PWWP3B: variants seen among roughly 807,000 people sequenced by gnomAD.
PWWP3B encodes the protein PWWP domain containing 3B.
Under a neutral mutation model 15.7 loss-of-function variants are expected in PWWP3B, and 5 were observed. That is an observed-to-expected ratio of 0.32 (90% CI 0.17 to 0.67). The LOEUF is 0.67. PWWP3B is among the 30% of genes least tolerant of loss of function. The pLI is 0.74. For synonymous variants in PWWP3B, 203 were observed against 179.8 expected, an observed-to-expected ratio of 1.13 and a Z score of -1.03; for missense variants, 519 against 493.1, an observed-to-expected ratio of 1.05 and a Z score of -0.50.
chrX:106,175,054 A>AG (rs1921811501), intron 2 of PWWP3B, among the ~76,000 whole-genome samples: 2 of 106,993 alleles, frequency 1.9e-5, no homozygotes, highest in African/African-American at 3.4e-5. Flanking sequence ...AAAAAAAAAA[A>AG]AAGAAGAAAA....
intron 2 of PWWP3B, among the ~76,000 whole-genome samples, chrX:106,183,008 A>G (rs934391525): frequency 2.7e-5 from 3 of 110,303 alleles, no homozygotes; most frequent in African/African-American, 9.9e-5. Context: ...AGATCCTGGG[A>G]CTCCTGAGCT....
intron 2 of PWWP3B, among the ~76,000 whole-genome samples, chrX:106,181,299 G>A (rs1339827372): frequency 9.0e-6 from 1 of 111,552 alleles, no homozygotes; most frequent in Non-Finnish European, 1.9e-5. Flanking sequence ...GCTGGCTGGG[G>A]TGGCCAGCTT....
At chrX:106,178,381 G>A (rs1325317553) in intron 2 of PWWP3B, among the ~76,000 whole-genome samples, 1 of 112,265 alleles carries the variant, frequency 8.9e-6, no homozygotes, top group Non-Finnish European at 1.9e-5. Flanking sequence ...AAAGGTGTCT[G>A]AGAAGTAAAA....
At chrX:106,189,025 T>C (rs1393042265) in intron 2 of PWWP3B, among the ~76,000 whole-genome samples, 1 of 111,783 alleles carries the variant, frequency 8.9e-6, no homozygotes, top group Admixed American at 9.5e-5. Flanking sequence ...AGGAATGGGA[T>C]TTCTTGGTTT....
At chrX:106,173,179 G>A (rs1002521356) in intron 2 of PWWP3B, among the ~76,000 whole-genome samples, 1 of 111,356 alleles carries the variant, frequency 9.0e-6, no homozygotes, top group African/African-American at 3.3e-5. Context: ...GGTTGCCTTG[G>A]ATAGACAGGG....
chrX:106,194,083 G>T (rs1302850625), intron 2 of PWWP3B, among the ~76,000 whole-genome samples: 1 of 110,973 alleles, frequency 9.0e-6, no homozygotes, highest in Admixed American at 9.6e-5. Context: ...TTTGAATGTT[G>T]GCCTGCCTTG....
intron 2 of PWWP3B, 102 bp from the exon 3 acceptor site, chrX:106,203,883 T>G (rs1923842037): frequency 1.8e-5 from 2 of 112,529 alleles, no homozygotes; most frequent in Non-Finnish European, 3.7e-5. Flanking sequence ...TTTGCCTCAT[T>G]CCTATGTTTT....
chrX:106,207,460 A>G lies in PWWP3B; in HGVS notation c.2028A>G (p.Glu676=), dbSNP rs938093944. 1 of 1,156,878 alleles carries G rather than the reference A, an allele frequency of 8.6e-7. No homozygotes were observed. Among genetic ancestry groups the G allele is most frequent in the Admixed American group, 2.8e-5 (1 of 36,124 alleles). Residue 676 remains glutamate, a synonymous_variant, in exon 4 of 4, where the codon GAA becomes GAG. Transcript: ENST00000357175. ...CATGTCTAGGCTACAGGGAAAGAGA[A>G]TTATTTGATGCAAAAATAATATATG... The part of the protein sequence containing the change: ...KGPCLGYRER[E]LFDAKIIYEK...
intron 2 of PWWP3B, among the ~76,000 whole-genome samples, chrX:106,191,278 T>C (rs1922938835): frequency 9.0e-6 from 1 of 110,733 alleles, no homozygotes; most frequent in Non-Finnish European, 1.9e-5. Flanking sequence ...GTAAGTTGGA[T>C]TCCTAGGTAT....
intron 2 of PWWP3B, among the ~76,000 whole-genome samples, chrX:106,188,527 A>C (rs1409985234): frequency 8.9e-6 from 1 of 112,072 alleles, no homozygotes; most frequent in Admixed American, 9.5e-5. Context: ...AAAGAGGTAT[A>C]GTTTACATAG....
chrX:106,181,218 C>T (rs1447086112), intron 2 of PWWP3B, among the ~76,000 whole-genome samples: 5 of 111,811 alleles, frequency 4.5e-5, no homozygotes, highest in Non-Finnish European at 7.5e-5. Context: ...TGAGCAGCAG[C>T]AAGACTTATT....
intron 2 of PWWP3B, among the ~76,000 whole-genome samples, chrX:106,173,745 G>A (rs1424028853): frequency 9.0e-6 from 1 of 111,390 alleles, no homozygotes; most frequent in East Asian, 2.8e-4. Context: ...TTTTATTATT[G>A]TATTTTTAAA....
intron 2 of PWWP3B, among the ~76,000 whole-genome samples, chrX:106,183,161 G>A (rs1289369077): frequency 3.6e-5 from 4 of 111,176 alleles, no homozygotes; most frequent in African/African-American, 1.3e-4. Flanking sequence ...TCCATAGATG[G>A]GGAGGTAGAG....
chrX:106,189,405 G>T (rs377560270), intron 2 of PWWP3B, among the ~76,000 whole-genome samples: 1 of 108,367 alleles, frequency 9.2e-6, no homozygotes, highest in Admixed American at 9.9e-5. Context: ...AACAGTCCCC[G>T]ATGTGTGATG....
chrX:106,194,147 G>A (rs1923206140), intron 2 of PWWP3B, among the ~76,000 whole-genome samples: 1 of 111,623 alleles, frequency 9.0e-6, no homozygotes, highest in African/African-American at 3.3e-5. Flanking sequence ...TTCCAACTTG[G>A]TTCCATTCTC....
In PWWP3B at chrX:106,205,317, T is replaced by C. The variant is rs1232565860; in HGVS notation, c.-116T>C. On this transcript the variant is annotated 5_prime_UTR_variant, in exon 4 of 4. Transcript: ENST00000357175. ...ACAAGCTGTAAACCCTTTGTAGTCATAAGACGAAAGAGGATTTGTTAAGAG... is the reference window on the plus strand; with the variant it reads ...ACAAGCTGTAAACCCTTTGTAGTCACAAGACGAAAGAGGATTTGTTAAGAG... The C allele has an allele frequency of 1.4e-6, 1 of 730,095 alleles. No individual in the cohort carries two copies. Among genetic ancestry groups the C allele is most frequent in the Non-Finnish European group, 1.9e-6 (1 of 516,183 alleles). The allele number at this position is 730,095 out of a possible 1,213,427, so 60.2% of individuals were successfully genotyped here. A position where few individuals can be genotyped will look rare whatever the true frequency, so the allele number is the denominator to read the frequency against.
chrX:106,182,050 A>G (rs1410772586), intron 2 of PWWP3B, among the ~76,000 whole-genome samples: 2 of 111,576 alleles, frequency 1.8e-5, no homozygotes, highest in Non-Finnish European at 3.8e-5. Context: ...ACTATCCCTG[A>G]CTGGTCAGTG....
At chrX:106,173,234 C>G (rs764893887) in intron 2 of PWWP3B, among the ~76,000 whole-genome samples, 2 of 111,134 alleles carry the variant, frequency 1.8e-5, no homozygotes, top group Admixed American at 9.6e-5. Context: ...CATTCACTTA[C>G]GATAACTCAG....
At chrX:106,173,616 A>C (rs1921736069) in intron 2 of PWWP3B, among the ~76,000 whole-genome samples, 1 of 112,161 alleles carries the variant, frequency 8.9e-6, no homozygotes, top group Admixed American at 9.5e-5. Context: ...TCAGGGGGAT[A>C]AAAGAGGCTA....
Sources: gnomAD v4.1 joint callset for allele counts (sites outside exome capture counted in the v4.1 genomes callset) on GRCh38, gnomAD v4.1.1 for gene constraint, MANE v1.5 for transcripts, NCBI Gene and HGNC (gene_info 2026-07-23, HGNC 2026-07-21) for gene names.